The following BMP3 variants were observed in gnomAD, a reference collection of about 807,000 sequenced individuals.
BMP3 encodes the protein bone morphogenetic protein 3 (osteogenic).
BMP3 carries 23 observed loss-of-function variants against 38.1 expected under a neutral mutation model. The ratio of observed to expected loss-of-function variants is 0.60; its 90% confidence interval spans 0.43 to 0.86. BMP3 has a LOEUF of 0.86. Ranked by LOEUF, BMP3 falls within the 40% of genes least tolerant of loss-of-function variation. The pLI is 0.00. For missense variants in BMP3, 628 were observed against 579.6 expected (o/e 1.08, Z -0.86); for synonymous variants, 258 against 225.7 (o/e 1.14, Z -1.28).
chr4:81,042,264 T>C (rs1495634), intron 1 of BMP3, among the ~76,000 whole-genome samples: 128,602 of 152,188 alleles, frequency 0.85, 55,331 homozygotes, highest in Non-Finnish European at 0.93. Context: ...TCAATTTGAA[T>C]GTAAGTGGCT....
rs1262658471 is a variant in BMP3, at chr4:81,056,948, CT to C, written c.*3413del. The stretch of plus-strand genomic sequence containing the variant: ...CTCTGTGCTAACAAGTAACTAATGT[CT>C]GGGCATTGACTTCTTATTGAATCAA... On this transcript the variant is annotated 3_prime_UTR_variant, in exon 3 of 3. Coordinates refer to ENST00000282701, the MANE Select transcript of BMP3 (RefSeq NM_001201.5). The C allele has an allele frequency of 1.2e-4, 19 of 152,648 alleles. 2 individuals carry two copies. The South Asian group carries it at 3.9e-3, about 32-fold the overall frequency. 9.5% of individuals were successfully genotyped at this position (152,648 alleles called of 1,614,324 possible).
intron 1 of BMP3, among the ~76,000 whole-genome samples, chr4:81,033,092 T>C (rs1739822333): frequency 6.6e-6 from 1 of 152,178 alleles, no homozygotes; most frequent in African/African-American, 2.4e-5. Context: ...TTGGGTGAGC[T>C]AGGCAGGTGG....
At position 81,031,240 on chromosome 4, in the gene BMP3, C is replaced by A; in HGVS notation, c.-45C>A. 1 of 1,523,632 alleles carries A rather than the reference C, an allele frequency of 6.6e-7. No homozygotes were observed. Among genetic ancestry groups the A allele is most frequent in the Non-Finnish European group, 8.8e-7 (1 of 1,134,182 alleles). 94.4% of individuals were successfully genotyped at this position (1,523,632 alleles called of 1,614,324 possible). A position where few individuals can be genotyped will look rare whatever the true frequency, so the allele number is the denominator to read the frequency against. Reference sequence around the variant, plus strand: ...CCGGCTCCTTGCGCCTTCGGAGTGTCCCGCAGCGACGCCGGGAGCCGACGC... The same window carrying A: ...CCGGCTCCTTGCGCCTTCGGAGTGTACCGCAGCGACGCCGGGAGCCGACGC... On this transcript the variant is annotated 5_prime_UTR_variant, in exon 1 of 3. Coordinates refer to ENST00000282701, the MANE Select transcript of BMP3 (RefSeq NM_001201.5).
chr4:81,036,810 A>G (rs1468803950), intron 1 of BMP3, among the ~76,000 whole-genome samples: 1 of 152,004 alleles, frequency 6.6e-6, no homozygotes, highest in East Asian at 1.9e-4. Context: ...GTTTATCTAC[A>G]TGTTAGCAGT....
Position 81,046,655 on chromosome 4 carries a change from A to AT in BMP3, c.1227+9dup. 3 of 1,606,126 alleles carry AT rather than the reference A, an allele frequency of 1.9e-6. No individual in the cohort carries two copies. Among genetic ancestry groups the AT allele is most frequent in the Non-Finnish European group, 2.6e-6 (3 of 1,175,800 alleles). On this transcript the variant is annotated splice_region_variant and intron_variant, in intron 2 of 2. Coordinates refer to ENST00000282701, the MANE Select transcript of BMP3 (RefSeq NM_001201.5). ...CCAGTTCCCCATGCCAAAGGTAGCC[A>AT]TTGTTCTCTGTCCTGTACTTACTTC...
At chr4:81,041,940 A>G (rs553586809) in intron 1 of BMP3, among the ~76,000 whole-genome samples, 11 of 149,728 alleles carry the variant, frequency 7.3e-5, no homozygotes. Context: ...TCATCATGGC[A>G]TAGTCTTTTT....
intron 1 of BMP3, among the ~76,000 whole-genome samples, chr4:81,033,870 G>T (rs933767476): frequency 6.6e-6 from 1 of 152,126 alleles, no homozygotes; most frequent in Admixed American, 6.5e-5. Context: ...TTCCAGTCCA[G>T]AGTTTTTAAG....
chr4:81,034,043 G>A (rs552838700), intron 1 of BMP3, among the ~76,000 whole-genome samples: 2 of 152,250 alleles, frequency 1.3e-5, no homozygotes, highest in South Asian at 2.1e-4. Context: ...GTACATACCT[G>A]ATTAAAATTA....
intron 1 of BMP3, among the ~76,000 whole-genome samples, chr4:81,033,493 C>A (rs925125532): frequency 6.6e-6 from 1 of 152,142 alleles, no homozygotes; most frequent in Non-Finnish European, 1.5e-5. Flanking sequence ...TGCATATATA[C>A]AAGGCTGTGT....
chr4:81,049,489 G>T (rs1740348357), intron 2 of BMP3, among the ~76,000 whole-genome samples: 1 of 152,178 alleles, frequency 6.6e-6, no homozygotes, highest in Non-Finnish European at 1.5e-5. Flanking sequence ...ACATAACAGG[G>T]ATAAGTGTGG....
At chr4:81,035,973 T>C (rs1739912311) in intron 1 of BMP3, among the ~76,000 whole-genome samples, 1 of 152,056 alleles carries the variant, frequency 6.6e-6, no homozygotes. Context: ...GCAGTACCTA[T>C]CTCAGTATGT....
chr4:81,040,455 A>G (rs1740039581), intron 1 of BMP3, among the ~76,000 whole-genome samples: 1 of 152,216 alleles, frequency 6.6e-6, no homozygotes, highest in Non-Finnish European at 1.5e-5. Flanking sequence ...TTTGAAAGTC[A>G]TGACTTATAT....
rs1349434410 is a variant in BMP3, at chr4:81,031,172, C to T, written c.-113C>T. Reference sequence around the variant, plus strand: ...CCGGCCGCGTCCCGGGCTCCGTGCGCCCTCGCCCCAGCTGGTTTGGAGTTC... The same window carrying T: ...CCGGCCGCGTCCCGGGCTCCGTGCGTCCTCGCCCCAGCTGGTTTGGAGTTC... On this transcript the variant is annotated 5_prime_UTR_variant, in exon 1 of 3. Coordinates refer to ENST00000282701, the MANE Select transcript of BMP3 (RefSeq NM_001201.5). The T allele has an allele frequency of 2.5e-6, 3 of 1,183,628 alleles. No individual in the cohort carries two copies. The highest frequency in any genetic ancestry group is 3.5e-6 in the Non-Finnish European group (3 of 868,716). The allele number at this position is 1,183,628 out of a possible 1,614,324, so 73.3% of individuals were successfully genotyped here.
Position 81,047,679 on chromosome 4 carries a change from A to T in BMP3, c.1227+1031A>T, listed in dbSNP as rs140042795. ...AAAAAATCCTTTGTCTCAACAAATG[A>T]CCAACTTCTGCTTATGCATCTCTAA... On this transcript the variant is annotated intron_variant, in intron 2 of 2. Coordinates refer to ENST00000282701, the MANE Select transcript of BMP3 (RefSeq NM_001201.5). 1.6e-4 allele frequency among the ~76,000 whole-genome samples: 25 copies of T among 152,290 alleles called. No homozygotes were observed. The East Asian group carries it at 4.6e-3, about 28-fold the overall frequency.
In BMP3 at chr4:81,030,755, G is replaced by A. The variant is rs139080598; in HGVS notation, c.-530G>A. ...CACACGCACACACGCGCGCGCGCGC[G>A]CGCACACACACACACACGTACACTA... is the stretch of plus-strand genomic sequence containing the variant. On this transcript the variant is annotated 5_prime_UTR_variant, in exon 1 of 3. Transcript: ENST00000282701. 7.1e-3 allele frequency among the ~76,000 whole-genome samples: 1,066 copies of A among 150,178 alleles called. 13 individuals carry two copies. The highest frequency in any genetic ancestry group is 6.6e-3 in the Non-Finnish European group (448 of 67,440).
In BMP3 at chr4:81,053,985, T is replaced by A. The variant is rs1298260108; in HGVS notation, c.*449T>A. 6.5e-6 allele frequency: 1 copy of A among 152,786 alleles called. No homozygotes were observed. Among genetic ancestry groups the A allele is most frequent in the Admixed American group, 6.6e-5 (1 of 15,256 alleles). 9.5% of individuals were successfully genotyped at this position (152,786 alleles called of 1,614,324 possible). A position where few individuals can be genotyped will look rare whatever the true frequency, so the allele number is the denominator to read the frequency against. ...AGAATCCTGAGAAAGTGCTAAATAA[T>A]CAACTCTGATGTTTTTCTTAAGTTC... On this transcript the variant is annotated 3_prime_UTR_variant, in exon 3 of 3. Coordinates refer to ENST00000282701, the MANE Select transcript of BMP3 (RefSeq NM_001201.5).
At chr4:81,043,651 C>G (rs12711227) in intron 1 of BMP3, among the ~76,000 whole-genome samples, 149,042 of 149,180 alleles carry the variant, frequency 1, 74,452 homozygotes, top group Non-Finnish European at 1. Context: ...GCAGTAGTGT[C>G]ATCTCGGCTC....
At chr4:81,036,587 G>A (rs144440576) in intron 1 of BMP3, among the ~76,000 whole-genome samples, 6 of 151,662 alleles carry the variant, frequency 4.0e-5, no homozygotes, top group African/African-American at 7.3e-5. Flanking sequence ...ACCTTAAGTC[G>A]GACTTTTCTA....
At position 81,031,152 on chromosome 4, in the gene BMP3, C is replaced by T; in HGVS notation, c.-133C>T. The T allele has an allele frequency of 5.1e-6, 5 of 973,530 alleles. No homozygotes were observed. The highest frequency in any genetic ancestry group is 7.3e-6 in the Non-Finnish European group (5 of 680,496). 60.3% of individuals were successfully genotyped at this position (973,530 alleles called of 1,614,324 possible). A position where few individuals can be genotyped will look rare whatever the true frequency, so the allele number is the denominator to read the frequency against. On this transcript the variant is annotated 5_prime_UTR_variant, in exon 1 of 3. Transcript: ENST00000282701. ...TGGCCGCTATCTCGCTGCACCCGGC[C>T]GCGTCCCGGGCTCCGTGCGCCCTCG...
Sources: gnomAD v4.1 joint callset for allele counts (sites outside exome capture counted in the v4.1 genomes callset) on GRCh38, gnomAD v4.1.1 for gene constraint, MANE v1.5 for transcripts, NCBI Gene and HGNC (gene_info 2026-07-23, HGNC 2026-07-21) for gene names.